The following LRP1 variants were observed in gnomAD, a reference collection of about 807,000 sequenced individuals.
LRP1 encodes the protein prolow-density lipoprotein receptor-related protein 1.
In LRP1, 51 loss-of-function variants were observed where a neutral mutation model predicts 541.5. The ratio of observed to expected loss-of-function variants is 0.09; its 90% CI spans 0.08 to 0.12. The LOEUF is 0.12. Ranked by LOEUF, LRP1 falls within the 10% of genes least tolerant of loss-of-function variation. LRP1 has a pLI of 1.00. For synonymous variants in LRP1, 2,219 were observed against 2,470.8 expected (o/e 0.90, Z 3.02); for missense variants, 3,878 against 6,376.2 (o/e 0.61, Z 13.34).
In LRP1 at chr12:57,158,854, G is replaced by A. The variant is rs376653173; in HGVS notation, c.1798+216G>A. Among the ~76,000 whole-genome samples the A allele has an allele frequency of 2.0e-5, 3 of 152,286 alleles. No homozygotes were observed. The highest frequency in any genetic ancestry group is 4.1e-4 in the South Asian group (2 of 4,826). The stretch of plus-strand genomic sequence containing the variant: ...TAGGATGGGTTAGGCAGCATGGGCC[G>A]TCCTTGCCAGCCCTTGGGAAAACTC... On this transcript the variant is annotated intron_variant, in intron 11 of 88. Coordinates refer to ENST00000243077, the MANE Select transcript of LRP1 (RefSeq NM_002332.3). This position sits in a 1 kb window ranked among gnomAD's most constrained non-coding sequence, Gnocchi z 5.3.
rs993247064 is a variant in LRP1, at chr12:57,204,231, C to T, written c.10952-179C>T. 10 of 674,684 alleles carry T rather than the reference C, an allele frequency of 1.5e-5. No homozygotes were observed. Among genetic ancestry groups the T allele is most frequent in the East Asian group, 2.8e-5 (1 of 35,328 alleles). 41.8% of individuals were successfully genotyped at this position (674,684 alleles called of 1,614,324 possible). On this transcript the variant is annotated intron_variant, in intron 70 of 88. Coordinates refer to ENST00000243077, the MANE Select transcript of LRP1 (RefSeq NM_002332.3). This position sits in a 1 kb window ranked among gnomAD's most constrained non-coding sequence, Gnocchi z 5.3. ...ACCCCTGAAAAATGGCCTCTTCTCCCCTAAATACCAGAGGGGGCAGTTTGG... is the reference window on the plus strand; with the variant it reads ...ACCCCTGAAAAATGGCCTCTTCTCCTCTAAATACCAGAGGGGGCAGTTTGG...
intron 46 of LRP1, 32 bp from the exon 47 acceptor site, chr12:57,193,534 G>T: frequency 6.2e-7 from 1 of 1,607,598 alleles, no homozygotes; most frequent in East Asian, 2.2e-5. Context: ...CTGTGCCTGT[G>T]GCTGACACGC....
chr12:57,162,197 T>C lies in LRP1; in HGVS notation c.2203-120T>C. On this transcript the variant is annotated intron_variant, in intron 13 of 88. Coordinates refer to ENST00000243077, the MANE Select transcript of LRP1 (RefSeq NM_002332.3). The surrounding 1 kb of genome is among the most constrained non-coding windows in gnomAD (Gnocchi z 5.2). ...TCACTCTCTGGGGCTCCCAGGCTAA[T>C]GGGGGAAACAAAGCAAAACCCATGC... The C allele has an allele frequency of 2.3e-6, 2 of 862,356 alleles. No individual in the cohort carries two copies. Among genetic ancestry groups the C allele is most frequent in the South Asian group, 2.8e-5 (2 of 71,316 alleles). 53.4% of individuals were successfully genotyped at this position (862,356 alleles called of 1,614,324 possible).
At position 57,179,115 on chromosome 12, in the gene LRP1, C is replaced by A; in HGVS notation, c.4738+94C>A. ...CCGGTTGTCAGCTAAGGCAGAGTCC[C>A]AGTCGGGAGGGTCCCGATAGGAGAG... is the stretch of plus-strand genomic sequence containing the variant. On this transcript the variant is annotated intron_variant, in intron 28 of 88. Coordinates refer to ENST00000243077, the MANE Select transcript of LRP1 (RefSeq NM_002332.3). This position sits in a 1 kb window ranked among gnomAD's most constrained non-coding sequence, Gnocchi z 6.8. The A allele has an allele frequency of 6.6e-7, 1 of 1,511,248 alleles. No individual in the cohort carries two copies. The allele number at this position is 1,511,248 out of a possible 1,614,324, so 93.6% of individuals were successfully genotyped here.
rs1203184745 is a variant in LRP1 at position 57,197,215 on chromosome 12, G to A, written c.9076+50G>A. 1 of 1,613,360 alleles carries A rather than the reference G, an allele frequency of 6.2e-7. No homozygotes were observed. Among genetic ancestry groups the A allele is most frequent in the Admixed American group, 1.7e-5 (1 of 60,024 alleles). ...GAGGTGACCCAGGCTGTGTGGGACT[G>A]CCCGGGTGGCAGAGCTCCAGACAGG... On this transcript the variant is annotated intron_variant, in intron 56 of 88. Coordinates refer to ENST00000243077, the MANE Select transcript of LRP1 (RefSeq NM_002332.3). This position sits in a 1 kb window ranked among gnomAD's most constrained non-coding sequence, Gnocchi z 4.5.
At position 57,162,544 on chromosome 12, in the gene LRP1, G is replaced by T. The variant is rs368510521; in HGVS notation, c.2404+26G>T. The T allele has an allele frequency of 6.2e-7, 1 of 1,611,998 alleles. No homozygotes were observed. Among genetic ancestry groups the T allele is most frequent in the Non-Finnish European group, 8.5e-7 (1 of 1,179,430 alleles). On this transcript the variant is annotated intron_variant, in intron 14 of 88. Coordinates refer to ENST00000243077, the MANE Select transcript of LRP1 (RefSeq NM_002332.3). This position sits in a 1 kb window ranked among gnomAD's most constrained non-coding sequence, Gnocchi z 5.2. Reference sequence around the variant, plus strand: ...GTACCTCCTTGGGGCTGGGGGCAGCGTGGGACCTGGAAGGGGTGGTGGGAC... The same window carrying T: ...GTACCTCCTTGGGGCTGGGGGCAGCTTGGGACCTGGAAGGGGTGGTGGGAC...
chr12:57,207,668 G>C (rs1467521700), intron 76 of LRP1, among the ~76,000 whole-genome samples: 1 of 152,258 alleles, frequency 6.6e-6, no homozygotes, highest in African/African-American at 2.4e-5. Context: ...GTCAGCAGCT[G>C]GCTGTGCTGC....
At position 57,209,887 on chromosome 12, in the gene LRP1, C is replaced by T; in HGVS notation, c.12439+19C>T. On this transcript the variant is annotated intron_variant, in intron 80 of 88. Transcript: ENST00000243077. ...CCCGAAGGTGGGGGCAGAGGGGAGC[C>T]TGGGCTGGGGAAGGGAGGCCTGTGG... The T allele has an allele frequency of 6.2e-7, 1 of 1,611,010 alleles. No individual in the cohort carries two copies. Among genetic ancestry groups the T allele is most frequent in the Non-Finnish European group, 8.5e-7 (1 of 1,178,370 alleles).
chr12:57,206,495 C>T lies in LRP1; in HGVS notation c.11613C>T (p.Tyr3871=). ...KAEGSEYQVL[Y]IADDNEIRSL... ...CAGGCTCTGAGTACCAGGTCCTGTA[C>T]ATCGCTGATGACAATGAGATCCGCA... The change falls in exon 76 of 89, where the codon TAC becomes TAT. Residue 3871 remains tyrosine, a synonymous_variant. Coordinates refer to ENST00000243077, the MANE Select transcript of LRP1 (RefSeq NM_002332.3). The surrounding 1 kb of genome is among the most constrained non-coding windows in gnomAD (Gnocchi z 4.7). The T allele has an allele frequency of 6.2e-7, 1 of 1,614,158 alleles. No homozygotes were observed. The highest frequency in any genetic ancestry group is 1.7e-4 in the Middle Eastern group (1 of 6,058).
intron 20 of LRP1, among the ~76,000 whole-genome samples, chr12:57,169,603 A>C (rs750900593): frequency 6.6e-6 from 1 of 152,198 alleles, no homozygotes; most frequent in Non-Finnish European, 1.5e-5. Context: ...CTTAATCTCC[A>C]TGGGCCTCTG....
In LRP1 at chr12:57,162,558, G is replaced by A; in HGVS notation, c.2404+40G>A. On this transcript the variant is annotated intron_variant, in intron 14 of 88. Coordinates refer to ENST00000243077, the MANE Select transcript of LRP1 (RefSeq NM_002332.3). This position sits in a 1 kb window ranked among gnomAD's most constrained non-coding sequence, Gnocchi z 5.2. ...CTGGGGGCAGCGTGGGACCTGGAAG[G>A]GGTGGTGGGACTTAGGCATTGATTT... is the stretch of plus-strand genomic sequence containing the variant. 2 of 1,607,806 alleles carry A rather than the reference G, an allele frequency of 1.2e-6. No homozygotes were observed. Among genetic ancestry groups the A allele is most frequent in the Non-Finnish European group, 1.7e-6 (2 of 1,176,498 alleles).
chr12:57,211,870 G>A lies in LRP1; in HGVS notation c.13258+56G>A, dbSNP rs535536045. 102 of 1,611,388 alleles carry A rather than the reference G, an allele frequency of 6.3e-5. No homozygotes were observed. The highest frequency in any genetic ancestry group is 1.9e-4 in the African/African-American group (14 of 74,842). On this transcript the variant is annotated intron_variant, in intron 86 of 88. Transcript: ENST00000243077. This position sits in a 1 kb window ranked among gnomAD's most constrained non-coding sequence, Gnocchi z 4.3. ...CACCGGGACCTAGAGCAGGGGGACC[G>A]TGTGCCTCCTGCTTCCCTGAGCCTT...
rs2035665371 is a variant in LRP1, at chr12:57,158,483, C to T, written c.1643C>T (p.Pro548Leu). The change falls in exon 11 of 89, where the codon CCG becomes CTG. Residue 548 changes from proline to leucine, a missense_variant. By Grantham distance (98) the Pro-to-Leu change is moderately conservative. Around this residue, in one of 13 missense-constraint regions of LRP1, gnomAD observed 496 missense variants for 861.0 expected, o/e 0.58. Transcript: ENST00000243077. This position sits in a 1 kb window ranked among gnomAD's most constrained non-coding sequence, Gnocchi z 5.3. ...GGCATGGATATGGGGGCCAAGGTCC[C>T]GGATGAGCACATGATCCCCATTGAA... ...IRGMDMGAKVPDEHMIPIENL... is the reference protein window; with the variant it reads ...IRGMDMGAKVLDEHMIPIENL... The T allele has an allele frequency of 6.2e-7, 1 of 1,614,058 alleles. No homozygotes were observed. The highest frequency in any genetic ancestry group is 1.7e-5 in the Admixed American group (1 of 60,002).
rs1325781757 is a variant in LRP1, at chr12:57,179,192, G to A, written c.4739-137G>A. On this transcript the variant is annotated intron_variant, in intron 28 of 88. Transcript: ENST00000243077. This position sits in a 1 kb window ranked among gnomAD's most constrained non-coding sequence, Gnocchi z 6.8. ...GGGCTGCAGGTCTGCCAGGGGGGCT[G>A]CACCCAGCGGGGTATGTCCACGGAG... 1.5e-5 allele frequency: 18 copies of A among 1,169,418 alleles called. No homozygotes were observed. Among genetic ancestry groups the A allele is most frequent in the Non-Finnish European group, 1.9e-5 (16 of 825,496 alleles). 72.4% of individuals were successfully genotyped at this position (1,169,418 alleles called of 1,614,324 possible).
chr12:57,138,611 A>G (rs753959765), intron 2 of LRP1, 30 bp downstream of exon 2: 1 of 1,612,314 alleles, frequency 6.2e-7, no homozygotes, highest in South Asian at 1.1e-5. Flanking sequence ...TCTTCTCCCC[A>G]AACCCTTAAC....
chr12:57,145,214 T>TC lies in LRP1; in HGVS notation c.578-9dup. 6.2e-7 allele frequency: 1 copy of TC among 1,613,976 alleles called. No homozygotes were observed. The highest frequency in any genetic ancestry group is 1.1e-5 in the South Asian group (1 of 91,072). ...GCCCTGGCTGCACGGACTCTTCTCT[T>TC]CCCCATTCCCAGAGCCAGTAGACCG... On this transcript the variant is annotated splice_polypyrimidine_tract_variant and intron_variant, in intron 5 of 88. Coordinates refer to ENST00000243077, the MANE Select transcript of LRP1 (RefSeq NM_002332.3).
At chr12:57,203,622 C>A in intron 70 of LRP1, 101 bp downstream of exon 70, 1 of 1,343,064 alleles carries the variant, frequency 7.4e-7, no homozygotes, top group Non-Finnish European at 9.8e-7. Context: ...ATTCATTCTT[C>A]ATGCAACAAA....
chr12:57,190,024 G>A (rs1446226884), intron 42 of LRP1, among the ~76,000 whole-genome samples: 1 of 152,176 alleles, frequency 6.6e-6, no homozygotes, highest in Non-Finnish European at 1.5e-5. Flanking sequence ...CATAATTGGG[G>A]GCTGGCTGTT....
chr12:57,162,912 C>T lies in LRP1; in HGVS notation c.2459C>T (p.Ala820Val). 6.2e-7 allele frequency: 1 copy of T among 1,608,954 alleles called. No homozygotes were observed. The highest frequency in any genetic ancestry group is 1.1e-5 in the South Asian group (1 of 90,296). Residue 820 changes from alanine to valine, a missense_variant, in exon 15 of 89, where the codon GCC (alanine) becomes GTC (valine). This residue lies in a region of LRP1 where 496 missense variants were observed against 861.0 expected (regional missense o/e 0.58). Transcript: ENST00000243077. The surrounding 1 kb of genome is among the most constrained non-coding windows in gnomAD (Gnocchi z 5.2). ...GGCGGCTGCAGCAGCCTGTGCTTGG[C>T]CACCCCTGGGAGCCGCCAGTGCGCC... ...NNGGCSSLCL[A>V]TPGSRQCACA...
Sources: allele counts gnomAD v4.1 joint callset (sites outside exome capture counted in the v4.1 genomes callset), GRCh38; gene constraint gnomAD v4.1.1; regional missense constraint gnomAD v4.1.1; non-coding constraint Gnocchi (gnomAD v3.1); transcripts MANE v1.5; gene names NCBI Gene and HGNC (gene_info 2026-07-23, HGNC 2026-07-21).